The following TSPAN9 variants were observed in gnomAD, a reference collection of about 807,000 sequenced individuals.
The protein encoded by TSPAN9 is tetraspanin-9.
Under a neutral mutation model 31.0 loss-of-function variants are expected in TSPAN9, and 16 were observed. That is an observed-to-expected ratio of 0.52 (90% CI 0.35 to 0.78). The LOEUF (loss-of-function observed/expected upper bound fraction) is 0.78, where lower values mean the gene tolerates loss of function less well. Among genes scored for constraint, TSPAN9 ranks in the 30% least tolerant of loss-of-function variants. The probability of loss-of-function intolerance (pLI) is 0.01; values close to 1 mark genes in which losing one functional copy is unlikely to be tolerated. For missense variants in TSPAN9, 272 were observed against 312.5 expected (o/e 0.87, Z 0.98); for synonymous variants, 145 against 121.6 (o/e 1.19, Z -1.27).
chr12:3,239,909 T>C (rs2098395688), intron 3 of TSPAN9, among the ~76,000 whole-genome samples: 1 of 150,732 alleles, frequency 6.6e-6, no homozygotes, highest in Non-Finnish European at 1.5e-5. Context: ...ACTGACTATA[T>C]AGGGGGGGGA....
chr12:3,193,536 C>T (rs1027864279), intron 2 of TSPAN9, among the ~76,000 whole-genome samples: 1 of 152,228 alleles, frequency 6.6e-6, no homozygotes, highest in Non-Finnish European at 1.5e-5. Flanking sequence ...AGGGTCTCTG[C>T]ATGGCCATGT....
chr12:3,262,524 C>T (rs1862469011), intron 3 of TSPAN9, among the ~76,000 whole-genome samples: 1 of 152,044 alleles, frequency 6.6e-6, no homozygotes, highest in Non-Finnish European at 1.5e-5. Flanking sequence ...CTTGCCAGCT[C>T]ACTATTTATC....
intron 2 of TSPAN9, among the ~76,000 whole-genome samples, chr12:3,101,137 G>A (rs1159525933): frequency 6.6e-6 from 1 of 152,164 alleles, no homozygotes; most frequent in Non-Finnish European, 1.5e-5. Flanking sequence ...AAGGATTTGG[G>A]AATGTTCATT....
chr12:3,131,186 G>A (rs1350280312), intron 2 of TSPAN9, among the ~76,000 whole-genome samples: 1 of 151,848 alleles, frequency 6.6e-6, no homozygotes, highest in Non-Finnish European at 1.5e-5. Flanking sequence ...GAGCTGCTGG[G>A]CACAGTCATC....
At chr12:3,194,101 G>A (rs997801289) in intron 2 of TSPAN9, among the ~76,000 whole-genome samples, 7 of 152,186 alleles carry the variant, frequency 4.6e-5, no homozygotes, top group Non-Finnish European at 8.8e-5. Flanking sequence ...ATTTAGGCAC[G>A]CTGGTCTGCC....
At chr12:3,269,100 C>G (rs1591716396) in intron 3 of TSPAN9, among the ~76,000 whole-genome samples, 1 of 90,482 alleles carries the variant, frequency 1.1e-5, no homozygotes. Flanking sequence ...GTTCCTGCAG[C>G]CTGCCCTCCC....
chr12:3,162,591 G>A (rs1303757435), intron 2 of TSPAN9, among the ~76,000 whole-genome samples: 2 of 150,288 alleles, frequency 1.3e-5, no homozygotes, highest in Non-Finnish European at 3.0e-5. Flanking sequence ...AGATGATAGT[G>A]ACAGCCAAGA....
intron 3 of TSPAN9, among the ~76,000 whole-genome samples, chr12:3,256,422 C>T (rs1862345834): frequency 6.6e-6 from 1 of 152,218 alleles, no homozygotes; most frequent in Non-Finnish European, 1.5e-5. Context: ...GAGGCCAAGG[C>T]CACAGGCCTG....
intron 2 of TSPAN9, among the ~76,000 whole-genome samples, chr12:3,109,313 T>A (rs373921011): frequency 1.1e-4 from 13 of 113,602 alleles, no homozygotes; most frequent in African/African-American, 1.6e-4. Flanking sequence ...AGAGAGTGTG[T>A]GTGTGTGTGT....
intron 2 of TSPAN9, among the ~76,000 whole-genome samples, chr12:3,120,284 A>G (rs1160732512): frequency 6.6e-6 from 1 of 152,118 alleles, no homozygotes; most frequent in East Asian, 1.9e-4. Context: ...ACAGGACACA[A>G]CCTTGGCGTG....
At chr12:3,096,061 C>T (rs1226447373) in intron 2 of TSPAN9, among the ~76,000 whole-genome samples, 2 of 151,740 alleles carry the variant, frequency 1.3e-5, no homozygotes, top group Non-Finnish European at 1.5e-5. Flanking sequence ...GCTCCCGGCG[C>T]GGCGGCAAAG....
chr12:3,203,287 A>G (rs76435956), intron 3 of TSPAN9, among the ~76,000 whole-genome samples: 5,582 of 152,274 alleles, frequency 0.037, 135 homozygotes, highest in South Asian at 0.086. Context: ...GTAGGCCCTC[A>G]TTATATGTTT....
At chr12:3,137,439 G>A (rs1451371076) in intron 2 of TSPAN9, among the ~76,000 whole-genome samples, 3 of 152,182 alleles carry the variant, frequency 2.0e-5, no homozygotes, top group Non-Finnish European at 2.9e-5. Context: ...TGCCTCCCAT[G>A]TGGCTTCACA....
At chr12:3,281,597 TG>T (rs543228127) in intron 7 of TSPAN9, 136 bp from the exon 8 acceptor site, 7 of 1,137,756 alleles carry the variant, frequency 6.2e-6, no homozygotes, top group Non-Finnish European at 8.6e-6. Context: ...CGCCAAGGGA[TG>T]GGGACAGGGC....
chr12:3,202,886 C>T (rs1800391668), intron 3 of TSPAN9, among the ~76,000 whole-genome samples: 1 of 152,190 alleles, frequency 6.6e-6, no homozygotes, highest in Non-Finnish European at 1.5e-5. Flanking sequence ...ACTGGAATGT[C>T]TCTGGCTGCC....
chr12:3,253,438 T>G (rs1268731654), intron 3 of TSPAN9, among the ~76,000 whole-genome samples: 1 of 152,118 alleles, frequency 6.6e-6, no homozygotes, highest in African/African-American at 2.4e-5. Flanking sequence ...TTCTCATCTG[T>G]GAATGGGGGT....
chr12:3,129,750 A>T (rs1305372070), intron 2 of TSPAN9, among the ~76,000 whole-genome samples: 5 of 152,202 alleles, frequency 3.3e-5, no homozygotes, highest in Admixed American at 6.5e-5. Context: ...GCTTCCTTTC[A>T]GCATTTGCCT....
At chr12:3,250,482 T>C (rs1307856681) in intron 3 of TSPAN9, among the ~76,000 whole-genome samples, 1 of 152,206 alleles carries the variant, frequency 6.6e-6, no homozygotes, top group Non-Finnish European at 1.5e-5. Flanking sequence ...CTTGGGTGTC[T>C]GGTGTATTTC....
intron 2 of TSPAN9, among the ~76,000 whole-genome samples, chr12:3,087,155 A>C (rs550824372): frequency 1.3e-5 from 2 of 152,114 alleles, no homozygotes; most frequent in Non-Finnish European, 2.9e-5. Context: ...GTGTGCTTGC[A>C]TGGGTTTGTG....
Sources: gnomAD v4.1 joint callset for allele counts (sites outside exome capture counted in the v4.1 genomes callset) on GRCh38, gnomAD v4.1.1 for gene constraint, MANE v1.5 for transcripts, NCBI Gene and HGNC (gene_info 2026-07-23, HGNC 2026-07-21) for gene names.